The following ZFAND3 variants were observed in gnomAD, a reference collection of about 807,000 sequenced individuals.
ZFAND3 encodes the protein zinc finger AN1-type containing 3, also known as AN1-type zinc finger protein 3.
ZFAND3 carries 10 observed loss-of-function variants against 29.6 expected under a neutral mutation model. That is an observed-to-expected ratio of 0.34 (90% CI 0.21 to 0.57). The LOEUF (loss-of-function observed/expected upper bound fraction) is 0.57. Ranked by LOEUF, ZFAND3 falls within the 20% of genes least tolerant of loss-of-function variation. The pLI is 0.86. For synonymous variants in ZFAND3, 128 were observed against 112.6 expected (o/e 1.14, Z -0.87); for missense variants, 230 against 304.5 (o/e 0.76, Z 1.82).
intron 4 of ZFAND3, among the ~76,000 whole-genome samples, chr6:38,102,954 A>G (rs1327518116): frequency 6.6e-6 from 1 of 152,084 alleles, no homozygotes; most frequent in Non-Finnish European, 1.5e-5. Context: ...ATGGGGTTTC[A>G]CCATGTTGGC....
chr6:38,043,351 C>T (rs377440765), intron 2 of ZFAND3, among the ~76,000 whole-genome samples: 4 of 151,546 alleles, frequency 2.6e-5, no homozygotes, highest in Non-Finnish European at 5.9e-5. Context: ...AAAAAGAACT[C>T]GTAGTAGATT....
At chr6:37,921,593 A>G (rs1761380276) in intron 1 of ZFAND3, among the ~76,000 whole-genome samples, 1 of 152,150 alleles carries the variant, frequency 6.6e-6, no homozygotes, top group Non-Finnish European at 1.5e-5. Context: ...TGTTTCCAGA[A>G]TTCCCAGAAA....
intron 2 of ZFAND3, among the ~76,000 whole-genome samples, chr6:37,952,964 C>G (rs1299367763): frequency 6.6e-6 from 1 of 151,400 alleles, no homozygotes; most frequent in East Asian, 1.9e-4. Context: ...TGGCTCTTCT[C>G]CCATTTATTT....
chr6:38,068,901 A>G (rs1178506258), intron 3 of ZFAND3, among the ~76,000 whole-genome samples: 3 of 152,172 alleles, frequency 2.0e-5, no homozygotes, highest in African/African-American at 7.2e-5. Flanking sequence ...ACAGATTTCC[A>G]TTGTTTCCTT....
At chr6:37,945,915 G>C (rs1296258724) in intron 2 of ZFAND3, among the ~76,000 whole-genome samples, 1 of 152,150 alleles carries the variant, frequency 6.6e-6, no homozygotes, top group Non-Finnish European at 1.5e-5. Flanking sequence ...GGCACTGCTG[G>C]TCACCACTTC....
intron 2 of ZFAND3, among the ~76,000 whole-genome samples, chr6:37,966,816 A>G (rs1189632110): frequency 6.6e-6 from 1 of 152,306 alleles, no homozygotes; most frequent in Non-Finnish European, 1.5e-5. Context: ...ACACGTCCCC[A>G]TAATGCCCCT....
chr6:38,088,667 T>C (rs746121615), intron 4 of ZFAND3, among the ~76,000 whole-genome samples: 1 of 152,234 alleles, frequency 6.6e-6, no homozygotes, highest in Non-Finnish European at 1.5e-5. Flanking sequence ...CAACAGACTT[T>C]TGCTCCGCTC....
intron 1 of ZFAND3, among the ~76,000 whole-genome samples, chr6:37,860,152 T>G: frequency 6.7e-6 from 1 of 148,652 alleles, no homozygotes; most frequent in Non-Finnish European, 1.5e-5. Context: ...ATTACAGGCG[T>G]GAACCACCGT....
intron 2 of ZFAND3, among the ~76,000 whole-genome samples, chr6:37,992,920 C>A (rs1405625341): frequency 6.6e-6 from 1 of 151,992 alleles, no homozygotes; most frequent in African/African-American, 2.4e-5. Context: ...TAATTGGTTT[C>A]CTCACAATTC....
intron 1 of ZFAND3, among the ~76,000 whole-genome samples, chr6:37,840,270 T>C (rs1345705748): frequency 6.6e-6 from 1 of 152,134 alleles, no homozygotes; most frequent in East Asian, 1.9e-4. Context: ...GCTAATTTTT[T>C]GTATTTTTGG....
intron 2 of ZFAND3, among the ~76,000 whole-genome samples, chr6:38,061,258 C>T (rs1764233654): frequency 1.3e-5 from 2 of 152,198 alleles, no homozygotes; most frequent in Middle Eastern, 6.9e-3. Context: ...ATGACCTTTC[C>T]TTCTGAAAAG....
intron 2 of ZFAND3, among the ~76,000 whole-genome samples, chr6:37,970,093 A>G (rs1425279784): frequency 6.6e-6 from 1 of 152,048 alleles, no homozygotes; most frequent in Non-Finnish European, 1.5e-5. Context: ...GCACCATTGC[A>G]CTCCAGTTTG....
At chr6:37,925,686 A>G (rs941972744) in intron 1 of ZFAND3, among the ~76,000 whole-genome samples, 1 of 146,638 alleles carries the variant, frequency 6.8e-6, no homozygotes, top group Non-Finnish European at 1.5e-5. Context: ...CCTGGGCAAC[A>G]GAGCTACACT....
At chr6:38,092,305 G>GA (rs1384309841) in intron 4 of ZFAND3, among the ~76,000 whole-genome samples, 15 of 152,190 alleles carry the variant, frequency 9.9e-5, no homozygotes. Context: ...TCCTGTAGTA[G>GA]ATTCTGTAGG....
chr6:38,130,048 A>G (rs1015870692), intron 5 of ZFAND3, among the ~76,000 whole-genome samples: 2 of 151,748 alleles, frequency 1.3e-5, no homozygotes, highest in African/African-American at 2.4e-5. Context: ...TTGGTTAGGT[A>G]TATTCCTAAG....
At chr6:37,827,954 C>G (rs1283670512) in intron 1 of ZFAND3, among the ~76,000 whole-genome samples, 1 of 152,224 alleles carries the variant, frequency 6.6e-6, no homozygotes, top group African/African-American at 2.4e-5. Flanking sequence ...TTTATTGATA[C>G]TTTAGTCATT....
chr6:38,142,330 C>G (rs1765974732), intron 5 of ZFAND3: 1 of 471,314 alleles, frequency 2.1e-6, no homozygotes, highest in Non-Finnish European at 4.4e-6. Context: ...CTCGGACATT[C>G]TGTGACTTGG....
intron 4 of ZFAND3, among the ~76,000 whole-genome samples, chr6:38,094,544 G>C (rs1248965151): frequency 6.6e-6 from 1 of 152,184 alleles, no homozygotes; most frequent in African/African-American, 2.4e-5. Flanking sequence ...GTAATTATGA[G>C]AGGAAAATAA....
At chr6:37,905,739 T>C (rs931095405) in intron 1 of ZFAND3, among the ~76,000 whole-genome samples, 2 of 152,144 alleles carry the variant, frequency 1.3e-5, no homozygotes, top group Admixed American at 6.5e-5. Context: ...GTACCACTTA[T>C]TAGTTAAGTT....
Sources: allele counts gnomAD v4.1 joint callset (sites outside exome capture counted in the v4.1 genomes callset), GRCh38; gene constraint gnomAD v4.1.1; transcripts MANE v1.5; gene names NCBI Gene and HGNC (gene_info 2026-07-23, HGNC 2026-07-21).